The following BRINP3 variants were observed in gnomAD, a reference collection of about 807,000 sequenced individuals.
BRINP3 encodes BMP/retinoic acid-inducible neural-specific protein 3.
Under a neutral mutation model 71.0 loss-of-function variants are expected in BRINP3, and 19 were observed. That is an observed-to-expected ratio of 0.27 (90% confidence interval 0.19 to 0.39). The LOEUF (loss-of-function observed/expected upper bound fraction) is 0.39, where lower values mean the gene tolerates loss of function less well. Ranked by LOEUF, BRINP3 falls within the 10% of genes least tolerant of loss-of-function variation. BRINP3 has a pLI of 1.00. For synonymous variants in BRINP3, 380 were observed against 337.7 expected (o/e 1.13, Z -1.37); for missense variants, 959 against 940.8 (o/e 1.02, Z -0.25).
At chr1:190,287,802 T>C (rs771435258) in intron 2 of BRINP3, among the ~76,000 whole-genome samples, 40 of 152,126 alleles carry the variant, frequency 2.6e-4, no homozygotes, top group Non-Finnish European at 5.9e-5. Context: ...TAAAGGATGG[T>C]CTGGTTTATG....
rs568446796 is a variant in BRINP3 at position 190,447,616 on chromosome 1, C to A, written c.236+7039G>T. Among the ~76,000 whole-genome samples, 625 of 147,670 alleles carry A rather than the reference C, an allele frequency of 4.2e-3. 2 individuals carry two copies. The highest frequency in any genetic ancestry group is 8.2e-3 in the African/African-American group (330 of 40,146). On this transcript the variant is annotated intron_variant, in intron 2 of 7. Transcript: ENST00000367462. The stretch of plus-strand genomic sequence containing the variant: ...TTTCTCCCTATAGCTCTCTCTCTCT[C>A]TCTCTCTATATATATATACTACATA...
At chr1:190,360,090 T>A (rs1464262811) in intron 2 of BRINP3, among the ~76,000 whole-genome samples, 1 of 152,192 alleles carries the variant, frequency 6.6e-6, no homozygotes, top group Non-Finnish European at 1.5e-5. Context: ...ACTATGTAAG[T>A]GGCATCTAAA....
intron 2 of BRINP3, among the ~76,000 whole-genome samples, chr1:190,393,663 G>A (rs1671396689): frequency 6.6e-6 from 1 of 151,464 alleles, no homozygotes; most frequent in Non-Finnish European, 1.5e-5. Flanking sequence ...TATTTAAAAA[G>A]AGAAACTCAA....
chr1:190,397,242 T>A (rs1337666593), intron 2 of BRINP3, among the ~76,000 whole-genome samples: 2 of 152,002 alleles, frequency 1.3e-5, no homozygotes, highest in African/African-American at 2.4e-5. Flanking sequence ...CCATGAAGAA[T>A]CAAGAAAAAT....
At chr1:190,343,737 G>C (rs543433434) in intron 2 of BRINP3, among the ~76,000 whole-genome samples, 6 of 151,628 alleles carry the variant, frequency 4.0e-5, no homozygotes, top group Admixed American at 1.3e-4. Flanking sequence ...AACCGACTCT[G>C]TATGTACTTC....
At chr1:190,338,582 C>T (rs1017269829) in intron 2 of BRINP3, among the ~76,000 whole-genome samples, 1 of 151,832 alleles carries the variant, frequency 6.6e-6, no homozygotes, top group Non-Finnish European at 1.5e-5. Context: ...TGATGCATAT[C>T]AAAACATAAG....
At chr1:190,108,085 A>AAAAAC (rs71805522) in intron 7 of BRINP3, among the ~76,000 whole-genome samples, 3 of 151,810 alleles carry the variant, frequency 2.0e-5, no homozygotes, top group Non-Finnish European at 4.4e-5. Context: ...TGGGCCATTA[A>AAAAAC]AAAACAAAAC....
chr1:190,356,942 G>A lies in BRINP3; in HGVS notation c.237-75192C>T, dbSNP rs114687525. 1.9e-3 allele frequency among the ~76,000 whole-genome samples: 283 copies of A among 151,196 alleles called. 4 individuals carry two copies. Among genetic ancestry groups the A allele is most frequent in the African/African-American group, 6.4e-3 (259 of 40,678 alleles). ...CTCAAGAAGTTGGAAGGAGAAGGGCGACTGAGGAGACAACTAGGTTAACAG... is the reference window on the plus strand; with the variant it reads ...CTCAAGAAGTTGGAAGGAGAAGGGCAACTGAGGAGACAACTAGGTTAACAG... On this transcript the variant is annotated intron_variant, in intron 2 of 7. Transcript: ENST00000367462.
chr1:190,458,676 A>G (rs1469798982), intron 1 of BRINP3, among the ~76,000 whole-genome samples: 3 of 152,012 alleles, frequency 2.0e-5, no homozygotes, highest in Non-Finnish European at 4.4e-5. Flanking sequence ...ATGTAGTGTT[A>G]GGATATTTTG....
At chr1:190,347,711 A>AT (rs1558203874) in intron 2 of BRINP3, among the ~76,000 whole-genome samples, 1 of 151,960 alleles carries the variant, frequency 6.6e-6, no homozygotes, top group Non-Finnish European at 1.5e-5. Context: ...TTTTATTCTT[A>AT]TTTTTTTCTC....
chr1:190,273,580 C>T (rs1662299720), intron 3 of BRINP3, among the ~76,000 whole-genome samples: 1 of 151,368 alleles, frequency 6.6e-6, no homozygotes, highest in South Asian at 2.1e-4. Context: ...AACAAACAAA[C>T]AAAAAATCAC....
intron 2 of BRINP3, among the ~76,000 whole-genome samples, chr1:190,362,643 G>A (rs1238152091): frequency 6.6e-6 from 1 of 152,130 alleles, no homozygotes; most frequent in Non-Finnish European, 1.5e-5. Flanking sequence ...GAACCCGGTG[G>A]GAGATAATTA....
At chr1:190,404,784 A>G (rs1672152482) in intron 2 of BRINP3, among the ~76,000 whole-genome samples, 1 of 152,160 alleles carries the variant, frequency 6.6e-6, no homozygotes. Context: ...AGTGTCATTT[A>G]TGTATTATTA....
chr1:190,284,528 C>G (rs1003317470), intron 2 of BRINP3, among the ~76,000 whole-genome samples: 2 of 151,986 alleles, frequency 1.3e-5, no homozygotes, highest in African/African-American at 4.8e-5. Flanking sequence ...CCCAACTCCT[C>G]TACCCATTTA....
intron 2 of BRINP3, among the ~76,000 whole-genome samples, chr1:190,328,936 A>G (rs1213940304): frequency 1.3e-5 from 2 of 152,076 alleles, no homozygotes; most frequent in Non-Finnish European, 2.9e-5. Flanking sequence ...TGATCATCTC[A>G]ATGCCTGCAG....
chr1:190,152,036 T>G (rs533846689), intron 7 of BRINP3, among the ~76,000 whole-genome samples: 29 of 152,268 alleles, frequency 1.9e-4, no homozygotes, highest in African/African-American at 6.7e-4. Flanking sequence ...ATGGAGTATT[T>G]GGCATGCATG....
intron 2 of BRINP3, among the ~76,000 whole-genome samples, chr1:190,368,259 C>A (rs1341190200): frequency 6.6e-6 from 1 of 151,956 alleles, no homozygotes; most frequent in Non-Finnish European, 1.5e-5. Context: ...AGGAGAAGTG[C>A]CAAGCAAAGG....
intron 2 of BRINP3, among the ~76,000 whole-genome samples, chr1:190,452,019 T>C (rs1675641498): frequency 6.6e-6 from 1 of 152,230 alleles, no homozygotes; most frequent in Admixed American, 6.5e-5. Context: ...TAATAAGCAC[T>C]AGTAGAACTG....
intron 3 of BRINP3, among the ~76,000 whole-genome samples, chr1:190,275,937 C>A (rs952408562): frequency 2.7e-5 from 4 of 150,298 alleles, no homozygotes; most frequent in African/African-American, 7.3e-5. Context: ...TTTTATTTAC[C>A]AGTGAAACAT....
Sources: allele counts gnomAD v4.1 joint callset (sites outside exome capture counted in the v4.1 genomes callset), GRCh38; gene constraint gnomAD v4.1.1; transcripts MANE v1.5; gene names NCBI Gene and HGNC (gene_info 2026-07-23, HGNC 2026-07-21).